NRG3: variants seen among roughly 807,000 people sequenced by gnomAD.
NRG3 encodes pro-neuregulin-3, membrane-bound isoform.
In NRG3, 31 loss-of-function variants were observed where a neutral mutation model predicts 66.9. The observed-to-expected ratio is 0.46, with a 90% confidence interval of 0.35 to 0.63. The LOEUF (loss-of-function observed/expected upper bound fraction) is 0.63, where lower values mean the gene tolerates loss of function less well. NRG3 is among the 20% of genes least tolerant of loss of function. NRG3 has a pLI of 0.00. For missense variants in NRG3, 910 were observed against 878.9 expected (o/e 1.04, Z -0.45); for synonymous variants, 393 against 359.4 (o/e 1.09, Z -1.06).
chr10:82,967,153 G>T (rs1351787161), intron 6 of NRG3, among the ~76,000 whole-genome samples: 1 of 147,580 alleles, frequency 6.8e-6, no homozygotes, highest in Non-Finnish European at 1.5e-5. Context: ...ATATATATAT[G>T]TATATTTTTA....
Position 82,312,993 on chromosome 10 carries a change from A to G in NRG3, c.824-45746A>G, listed in dbSNP as rs148320006. On this transcript the variant is annotated intron_variant, in intron 1 of 8. Coordinates refer to ENST00000372141, the MANE Select transcript of NRG3 (RefSeq NM_001010848.4). The stretch of plus-strand genomic sequence containing the variant: ...GTAGTTTAAGACCAGCCTGGCCAAC[A>G]TGGTGAAACCCCTTCTCTACCAAAA... 3.7e-3 allele frequency among the ~76,000 whole-genome samples: 560 copies of G among 152,270 alleles called. 2 individuals are homozygous for G. Among genetic ancestry groups the G allele is most frequent in the African/African-American group, 0.013 (531 of 41,570 alleles).
intron 1 of NRG3, among the ~76,000 whole-genome samples, chr10:82,299,697 C>T (rs980566767): frequency 2.6e-5 from 4 of 152,058 alleles, no homozygotes; most frequent in East Asian, 3.9e-4. Context: ...TGACACCCTG[C>T]GGGAGGCAAG....
chr10:82,328,083 G>T (rs894896958), intron 1 of NRG3, among the ~76,000 whole-genome samples: 7 of 152,048 alleles, frequency 4.6e-5, no homozygotes, highest in South Asian at 2.1e-4. Context: ...CAAGGGTTGT[G>T]GGGGGGCACA....
chr10:82,298,302 G>A (rs929975818), intron 1 of NRG3, among the ~76,000 whole-genome samples: 1 of 151,038 alleles, frequency 6.6e-6, no homozygotes, highest in African/African-American at 2.4e-5. Context: ...AAGGAAGGAA[G>A]GTGTGGAATC....
intron 4 of NRG3, among the ~76,000 whole-genome samples, chr10:82,906,830 G>A (rs1844780297): frequency 6.6e-6 from 1 of 152,118 alleles, no homozygotes; most frequent in Admixed American, 6.6e-5. Context: ...TAAGAAAGAA[G>A]TCTGCAGAAA....
rs546373047 is a variant in NRG3 at position 82,672,564 on chromosome 10, T to C, written c.954-66013T>C. ...ACAGCAGCTTGGGTGATCATGGTGG[T>C]GGGGAGGAGATGTAAGGGGGAATGC... On this transcript the variant is annotated intron_variant, in intron 2 of 8. Coordinates refer to ENST00000372141, the MANE Select transcript of NRG3 (RefSeq NM_001010848.4). 4.6e-4 allele frequency among the ~76,000 whole-genome samples: 70 copies of C among 152,214 alleles called. 1 individual carries two copies. In the South Asian group the frequency reaches 0.011, roughly 23 times the overall value.
intron 1 of NRG3, among the ~76,000 whole-genome samples, chr10:81,978,087 G>A (rs529127124): frequency 4.1e-4 from 63 of 152,200 alleles, no homozygotes; most frequent in African/African-American, 1.3e-3. Context: ...ATTAAGTACA[G>A]TCATCCTATA....
At chr10:82,879,893 T>C (rs2475793) in intron 4 of NRG3, among the ~76,000 whole-genome samples, 93,739 of 150,658 alleles carry the variant, frequency 0.62, 30,707 homozygotes, top group African/African-American at 0.84. Flanking sequence ...GTCAAGTAAA[T>C]TTGCTTATCC....
At chr10:81,944,287 G>A (rs1848651805) in intron 1 of NRG3, among the ~76,000 whole-genome samples, 1 of 152,228 alleles carries the variant, frequency 6.6e-6, no homozygotes, top group Non-Finnish European at 1.5e-5. Context: ...AATGTTTACA[G>A]AAAGAGTATG....
At chr10:82,594,374 G>A (rs1166675327) in intron 2 of NRG3, among the ~76,000 whole-genome samples, 1 of 152,052 alleles carries the variant, frequency 6.6e-6, no homozygotes, top group African/African-American at 2.4e-5. Flanking sequence ...TAAGTTTTTT[G>A]TGTTCTCTAA....
At chr10:82,040,827 C>G (rs1031111942) in intron 1 of NRG3, among the ~76,000 whole-genome samples, 1 of 152,012 alleles carries the variant, frequency 6.6e-6, no homozygotes, top group Non-Finnish European at 1.5e-5. Context: ...CAGTATATGT[C>G]AGCATTTTTA....
At chr10:82,349,175 T>C (rs553054816) in intron 1 of NRG3, among the ~76,000 whole-genome samples, 5 of 150,534 alleles carry the variant, frequency 3.3e-5, no homozygotes, top group African/African-American at 1.2e-4. Context: ...TCTGTTCTGT[T>C]TTTTCCCCAT....
chr10:82,117,026 AC>A (rs1211918066), intron 1 of NRG3, among the ~76,000 whole-genome samples: 1 of 151,692 alleles, frequency 6.6e-6, no homozygotes, highest in Non-Finnish European at 1.5e-5. Context: ...CCCACAATGT[AC>A]CCCTACAGCT....
intron 4 of NRG3, among the ~76,000 whole-genome samples, chr10:82,949,638 T>C (rs1246011522): frequency 6.6e-6 from 1 of 152,112 alleles, no homozygotes; most frequent in Non-Finnish European, 1.5e-5. Context: ...GCAGATCAGC[T>C]GAGGTCAGGA....
At chr10:82,509,419 A>T (rs1055648913) in intron 2 of NRG3, among the ~76,000 whole-genome samples, 3 of 152,156 alleles carry the variant, frequency 2.0e-5, no homozygotes, top group Non-Finnish European at 2.9e-5. Flanking sequence ...GTTACATTAC[A>T]AGAGAACCTC....
intron 1 of NRG3, among the ~76,000 whole-genome samples, chr10:82,109,458 C>T (rs1013407209): frequency 6.6e-6 from 1 of 151,486 alleles, no homozygotes; most frequent in Non-Finnish European, 1.5e-5. Flanking sequence ...GATTATTATT[C>T]CAATTTTATA....
rs543125513 is a variant in NRG3, at chr10:82,521,592, G to T, written c.953+162724G>T. 5.3e-5 allele frequency among the ~76,000 whole-genome samples: 8 copies of T among 152,190 alleles called. No homozygotes were observed. The East Asian group carries it at 1.4e-3, about 26-fold the overall frequency. Reference sequence around the variant, plus strand: ...CCTGACCTCGTGATCCGCCCGCCTTGGCCTCCCAAAGTGCTGGGATTACAG... The same window carrying T: ...CCTGACCTCGTGATCCGCCCGCCTTTGCCTCCCAAAGTGCTGGGATTACAG... On this transcript the variant is annotated intron_variant, in intron 2 of 8. Coordinates refer to ENST00000372141, the MANE Select transcript of NRG3 (RefSeq NM_001010848.4).
At chr10:81,959,679 T>C (rs967824693) in intron 1 of NRG3, among the ~76,000 whole-genome samples, 1 of 152,164 alleles carries the variant, frequency 6.6e-6, no homozygotes, top group African/African-American at 2.4e-5. Flanking sequence ...CTTCATTTTT[T>C]TTTTAGAGAT....
chr10:82,348,196 C>T (rs976520767), intron 1 of NRG3, among the ~76,000 whole-genome samples: 1 of 152,168 alleles, frequency 6.6e-6, no homozygotes, highest in African/African-American at 2.4e-5. Context: ...GATTTTGCAG[C>T]AGCTGGTACC....
Sources: gnomAD v4.1 joint callset for allele counts (sites outside exome capture counted in the v4.1 genomes callset) on GRCh38, gnomAD v4.1.1 for gene constraint, MANE v1.5 for transcripts, NCBI Gene and HGNC (gene_info 2026-07-23, HGNC 2026-07-21) for gene names.